NCBP2L: variants seen among roughly 807,000 people sequenced by gnomAD.
NCBP2L encodes the protein nuclear cap binding protein subunit 2 like, also known as nuclear cap-binding protein subunit 2-like.
For missense variants in NCBP2L, 95 were observed against 53.1 expected (o/e 1.79, Z -2.45); for synonymous variants, 39 against 19.2 (o/e 2.04, Z -2.70).
chrX:107,778,047 A>G (rs1390415975), intron 1 of NCBP2L, among the ~76,000 whole-genome samples, 189 bp downstream of exon 1: 1 of 109,207 alleles, frequency 9.2e-6, no homozygotes, highest in Non-Finnish European at 1.9e-5. Context: ...GGTAAAAGCC[A>G]GAGGAGGTAG....
intron 1 of NCBP2L, among the ~76,000 whole-genome samples, chrX:107,782,599 T>C (rs1338584763): frequency 9.7e-6 from 1 of 103,497 alleles, no homozygotes; most frequent in Non-Finnish European, 1.9e-5. Flanking sequence ...TTGAACCCTT[T>C]GACCAACATC....
chrX:107,780,920 G>A (rs1930256707), intron 1 of NCBP2L, among the ~76,000 whole-genome samples: 1 of 108,177 alleles, frequency 9.2e-6, no homozygotes, highest in Non-Finnish European at 1.9e-5. Context: ...CACCAAGCCC[G>A]GCCTTATTAT....
chrX:107,781,255 G>A (rs778413359), intron 1 of NCBP2L, among the ~76,000 whole-genome samples: 20 of 82,274 alleles, frequency 2.4e-4, no homozygotes, highest in Non-Finnish European at 3.3e-4. Flanking sequence ...TGGCTCTGCC[G>A]CCCAGGCTGG....
At chrX:107,786,805 T>G (rs1253708260) in intron 1 of NCBP2L, among the ~76,000 whole-genome samples, 1 of 111,914 alleles carries the variant, frequency 8.9e-6, no homozygotes, top group Non-Finnish European at 1.9e-5. Flanking sequence ...AGAGGCCAAG[T>G]CAATGGTTTC....
chrX:107,790,122 CA>C (rs752605889), intron 1 of NCBP2L, among the ~76,000 whole-genome samples: 1 of 109,193 alleles, frequency 9.2e-6, no homozygotes, highest in South Asian at 4.1e-4. Context: ...TCTATCTACA[CA>C]GTTGACCTCT....
At chrX:107,794,029 G>T in intron 1 of NCBP2L, 120 bp from the exon 2 acceptor site, 1 of 360,281 alleles carries the variant, frequency 2.8e-6, no homozygotes, top group Non-Finnish European at 4.8e-6. Context: ...GCCTTGACAT[G>T]ATCCTTATGG....
intron 1 of NCBP2L, among the ~76,000 whole-genome samples, chrX:107,779,233 C>T (rs976532002): frequency 4.5e-5 from 5 of 111,802 alleles, no homozygotes; most frequent in Non-Finnish European, 9.4e-5. Context: ...TAATTGTAAA[C>T]ATATTTAAAG....
chrX:107,780,269 CG>C (rs1930248657), intron 1 of NCBP2L, among the ~76,000 whole-genome samples: 1 of 111,342 alleles, frequency 9.0e-6, no homozygotes, highest in East Asian at 2.9e-4. Context: ...CACCTGAGCC[CG>C]GGTAGGTTGA....
chrX:107,778,012 CT>C (rs11290090), intron 1 of NCBP2L, among the ~76,000 whole-genome samples, 154 bp downstream of exon 1: 2,192 of 71,157 alleles, frequency 0.031, 14 homozygotes, highest in African/African-American at 0.065. Context: ...TTCTTCTTCG[CT>C]TTTTTTTTTT....
At chrX:107,781,216 C>CTTT (rs752190503) in intron 1 of NCBP2L, among the ~76,000 whole-genome samples, 1 of 89,847 alleles carries the variant, frequency 1.1e-5, no homozygotes, top group Non-Finnish European at 2.2e-5. Flanking sequence ...TGAAGGCCGG[C>CTTT]TTTTTTTTTT....
intron 1 of NCBP2L, among the ~76,000 whole-genome samples, chrX:107,786,737 C>T (rs1038468313): frequency 8.9e-6 from 1 of 111,900 alleles, no homozygotes; most frequent in African/African-American, 3.3e-5. Flanking sequence ...CCTTATTTTA[C>T]AGACTGAGGC....
In NCBP2L at chrX:107,794,197, T is replaced by A. The variant is rs767666940; in HGVS notation, c.-24T>A. The A allele has an allele frequency of 3.4e-5, 17 of 502,857 alleles. No homozygotes were observed. The highest frequency in any genetic ancestry group is 5.7e-5 in the Non-Finnish European group (16 of 278,541). The allele number at this position is 502,857 out of a possible 1,213,427, so 41.4% of individuals were successfully genotyped here. ...TGCCAAGCTGGACCGAAAACGGCCA[T>A]CGGCATGCTGCCCAACCAGCACCAT... On this transcript the variant is annotated 5_prime_UTR_variant, in exon 2 of 2. Transcript: ENST00000509000.
chrX:107,794,814 T>C lies in NCBP2L; in HGVS notation c.*132T>C. ...TTGATGTATTTTTTTCTCTGAAAAT[T>C]TGTTAAATAGCAGAAACAAAAAAAA... On this transcript the variant is annotated 3_prime_UTR_variant, in exon 2 of 2. Coordinates refer to ENST00000509000, the MANE Select transcript of NCBP2L (RefSeq NM_001348372.2). 1 of 405,321 alleles carries C rather than the reference T, an allele frequency of 2.5e-6. No homozygotes were observed. The highest frequency in any genetic ancestry group is 4.4e-6 in the Non-Finnish European group (1 of 228,232). 33.4% of individuals were successfully genotyped at this position (405,321 alleles called of 1,213,427 possible).
chrX:107,785,977 A>G (rs1209799537), intron 1 of NCBP2L, among the ~76,000 whole-genome samples: 2 of 87,265 alleles, frequency 2.3e-5, no homozygotes, highest in Admixed American at 2.3e-4. Flanking sequence ...CTAATATAGT[A>G]AAAAAAAAAA....
At chrX:107,787,356 G>T (rs958552306) in intron 1 of NCBP2L, among the ~76,000 whole-genome samples, 1 of 111,812 alleles carries the variant, frequency 8.9e-6, no homozygotes, top group South Asian at 3.7e-4. Context: ...CATTGTCTCC[G>T]CTTTAGTTCT....
rs1930487413 is a variant in NCBP2L, at chrX:107,794,205, C to A, written c.-16C>A. 2.0e-6 allele frequency: 1 copy of A among 507,273 alleles called. No homozygotes were observed. The allele number at this position is 507,273 out of a possible 1,213,427, so 41.8% of individuals were successfully genotyped here. On this transcript the variant is annotated 5_prime_UTR_variant, in exon 2 of 2. It adds an upstream start codon to the 5' untranslated region. Coordinates refer to ENST00000509000, the MANE Select transcript of NCBP2L (RefSeq NM_001348372.2). ...TGGACCGAAAACGGCCATCGGCATG[C>A]TGCCCAACCAGCACCATGTCCAAAG...
intron 1 of NCBP2L, among the ~76,000 whole-genome samples, chrX:107,781,672 A>ATCTCTCTCTCTCTC (rs1203106428): frequency 8.0e-5 from 5 of 62,657 alleles, no homozygotes; most frequent in African/African-American, 5.0e-4. Flanking sequence ...CTATCTATCT[A>ATCTCTCTCTCTCTC]TCTATCTCTC....
At chrX:107,778,337 G>C (rs1027741589) in intron 1 of NCBP2L, among the ~76,000 whole-genome samples, 1 of 112,088 alleles carries the variant, frequency 8.9e-6, no homozygotes, top group Non-Finnish European at 1.9e-5. Context: ...TTAAACTCAA[G>C]ATTCTGTCCC....
intron 1 of NCBP2L, among the ~76,000 whole-genome samples, chrX:107,792,163 T>A (rs1244017326): frequency 8.9e-6 from 1 of 112,024 alleles, no homozygotes; most frequent in Non-Finnish European, 1.9e-5. Context: ...TGTGTTCGCT[T>A]CTTTGGCTAT....
Sources: allele counts gnomAD v4.1 joint callset (sites outside exome capture counted in the v4.1 genomes callset), GRCh38; gene constraint gnomAD v4.1.1; transcripts MANE v1.5; gene names NCBI Gene and HGNC (gene_info 2026-07-23, HGNC 2026-07-21).